Variants in KCNC2 observed in about 807,000 individuals in gnomAD.
KCNC2 encodes potassium voltage-gated channel subfamily C member 2, also known as voltage-gated potassium channel KCNC2.
A neutral mutation model predicts 44.5 loss-of-function variants in KCNC2; 21 were observed. The ratio of observed to expected loss-of-function variants is 0.47; its 90% CI spans 0.33 to 0.68. The LOEUF is 0.68. Among genes scored for constraint, KCNC2 ranks in the 30% least tolerant of loss-of-function variants. The pLI is 0.01. For synonymous variants in KCNC2, 391 were observed against 339.1 expected (o/e 1.15, Z -1.68); for missense variants, 589 against 826.2 (o/e 0.71, Z 3.52).
chr12:75,088,515 C>A (rs988445265), intron 2 of KCNC2, among the ~76,000 whole-genome samples: 3 of 152,176 alleles, frequency 2.0e-5, no homozygotes, highest in Admixed American at 1.3e-4. Flanking sequence ...TATCCAAACA[C>A]AACAGCTAGT....
At chr12:75,114,962 T>C (rs1267049824) in intron 2 of KCNC2, among the ~76,000 whole-genome samples, 2 of 148,800 alleles carry the variant, frequency 1.3e-5, no homozygotes, top group Middle Eastern at 3.6e-3. Flanking sequence ...CCCCCGGGGT[T>C]CACGCCATTC....
chr12:75,135,613 A>G (rs991861904), intron 2 of KCNC2, among the ~76,000 whole-genome samples: 1 of 152,018 alleles, frequency 6.6e-6, no homozygotes, highest in African/African-American at 2.4e-5. Flanking sequence ...CAGAACTTTT[A>G]GTGAAAGCTT....
intron 2 of KCNC2, among the ~76,000 whole-genome samples, chr12:75,189,006 T>G (rs944406680): frequency 6.6e-6 from 1 of 152,160 alleles, no homozygotes; most frequent in African/African-American, 2.4e-5. Context: ...CTGTTGAGAA[T>G]AGTTAAGAGT....
At position 75,207,531 on chromosome 12, in the gene KCNC2, G is replaced by A; in HGVS notation, c.453C>T (p.Cys151=). The change falls in exon 2 of 5, where the codon TGC becomes TGT. Residue 151 remains cysteine (C), a synonymous_variant. Transcript: ENST00000549446. This position sits in a 1 kb window ranked among gnomAD's most constrained non-coding sequence, Gnocchi z 4.1. ...GGTGCTGCCGGTAGGTCATCCAGCA[G>A]CAGGGCTCCACGTCGGTCTCGTCGA... is the stretch of plus-strand genomic sequence containing the variant. ...WGIDETDVEP[C]CWMTYRQHRD... The A allele has an allele frequency of 6.2e-7, 1 of 1,612,304 alleles. No homozygotes were observed. The highest frequency in any genetic ancestry group is 8.5e-7 in the Non-Finnish European group (1 of 1,179,876).
At chr12:75,189,761 T>C (rs2137700180) in intron 2 of KCNC2, among the ~76,000 whole-genome samples, 1 of 152,268 alleles carries the variant, frequency 6.6e-6, no homozygotes, top group Admixed American at 6.5e-5. Context: ...TCTATCTTCA[T>C]TCTACACAGG....
At chr12:75,200,627 C>T (rs1400467449) in intron 2 of KCNC2, among the ~76,000 whole-genome samples, 1 of 151,412 alleles carries the variant, frequency 6.6e-6, no homozygotes, top group African/African-American at 2.4e-5. Flanking sequence ...TACATATACC[C>T]TAAAAATAGA....
In KCNC2 at chr12:75,207,183, C is replaced by T. The variant is rs1295844715; in HGVS notation, c.687+114G>A. 7 of 1,451,070 alleles carry T rather than the reference C, an allele frequency of 4.8e-6. No homozygotes were observed. The highest frequency in any genetic ancestry group is 1.4e-5 in the African/African-American group (1 of 69,180). The allele number at this position is 1,451,070 out of a possible 1,614,324, so 89.9% of individuals were successfully genotyped here. On this transcript the variant is annotated intron_variant, in intron 2 of 4. Coordinates refer to ENST00000549446, the MANE Select transcript of KCNC2 (RefSeq NM_139137.4). This position sits in a 1 kb window ranked among gnomAD's most constrained non-coding sequence, Gnocchi z 4.1. Reference sequence around the variant, plus strand: ...GCCTCTAACTGTATCGCTAGGAAATCCCGGGTCTCTTCTACCCCCCATGCC... The same window carrying T: ...GCCTCTAACTGTATCGCTAGGAAATTCCGGGTCTCTTCTACCCCCCATGCC...
intron 3 of KCNC2, among the ~76,000 whole-genome samples, chr12:75,049,404 G>T (rs1415412495): frequency 6.6e-6 from 1 of 151,964 alleles, no homozygotes; most frequent in Non-Finnish European, 1.5e-5. Flanking sequence ...CTAAGTTATG[G>T]GGAATCAATA....
chr12:75,062,894 T>C (rs1882482712), intron 2 of KCNC2, among the ~76,000 whole-genome samples: 1 of 152,078 alleles, frequency 6.6e-6, no homozygotes, highest in Non-Finnish European at 1.5e-5. Context: ...AAAATGCAGT[T>C]AGTAAATCAT....
At chr12:75,073,884 A>T (rs1049530080) in intron 2 of KCNC2, among the ~76,000 whole-genome samples, 1 of 152,192 alleles carries the variant, frequency 6.6e-6, no homozygotes, top group African/African-American at 2.4e-5. Flanking sequence ...TAACCTAATT[A>T]AAGTTGCTGC....
intron 2 of KCNC2, among the ~76,000 whole-genome samples, chr12:75,135,149 T>C (rs1224105938): frequency 1.3e-5 from 2 of 151,780 alleles, no homozygotes; most frequent in Admixed American, 6.6e-5. Context: ...AGAATCCCTA[T>C]CCACAGTTAC....
chr12:75,084,734 A>G (rs74337986), intron 2 of KCNC2, among the ~76,000 whole-genome samples: 3,630 of 152,014 alleles, frequency 0.024, 140 homozygotes, highest in African/African-American at 0.083. Flanking sequence ...TACTGTTGTG[A>G]AAGACTGAAG....
At chr12:75,127,890 A>G (rs1050547468) in intron 2 of KCNC2, among the ~76,000 whole-genome samples, 2 of 152,130 alleles carry the variant, frequency 1.3e-5, no homozygotes, top group African/African-American at 4.8e-5. Flanking sequence ...TTGTGGAAAA[A>G]TCTTATTACC....
At chr12:75,158,679 G>T (rs896541890) in intron 2 of KCNC2, among the ~76,000 whole-genome samples, 4 of 151,754 alleles carry the variant, frequency 2.6e-5, no homozygotes, top group Admixed American at 2.6e-4. Context: ...ATCCAACAAA[G>T]TTACTTTGAT....
chr12:75,108,239 T>A (rs1014248945), intron 2 of KCNC2, among the ~76,000 whole-genome samples: 1 of 152,200 alleles, frequency 6.6e-6, no homozygotes, highest in African/African-American at 2.4e-5. Context: ...GTTTCAGTAA[T>A]GGATATGCAC....
At chr12:75,077,221 AGAGTTGTAT>A (rs1884070303) in intron 2 of KCNC2, among the ~76,000 whole-genome samples, 1 of 152,208 alleles carries the variant, frequency 6.6e-6, no homozygotes, top group Admixed American at 6.5e-5. Context: ...TGCCAGTGCT[AGAGTTGTAT>A]GAGCATTTTC....
At position 75,207,633 on chromosome 12, in the gene KCNC2, G is replaced by A. The variant is rs759185713; in HGVS notation, c.351C>T (p.Tyr117=). The A allele has an allele frequency of 1.9e-6, 3 of 1,611,834 alleles. No homozygotes were observed. The highest frequency in any genetic ancestry group is 2.5e-6 in the Non-Finnish European group (3 of 1,179,870). Residue 117 remains tyrosine, a synonymous_variant, in exon 2 of 5, where the codon TAC becomes TAT. Transcript: ENST00000549446. This position sits in a 1 kb window ranked among gnomAD's most constrained non-coding sequence, Gnocchi z 4.1. The part of the protein sequence containing the change: ...HPGVFAYVLN[Y]YRTGKLHCPA... Reference sequence around the variant, plus strand: ...GGCAGTGCAGCTTGCCGGTGCGGTAGTAATTGAGCACATAGGCGAAGACGC... The same window carrying A: ...GGCAGTGCAGCTTGCCGGTGCGGTAATAATTGAGCACATAGGCGAAGACGC...
intron 2 of KCNC2, among the ~76,000 whole-genome samples, chr12:75,174,916 G>C (rs567255345): frequency 2.0e-5 from 3 of 152,006 alleles, no homozygotes; most frequent in East Asian, 3.9e-4. Flanking sequence ...AAACAAAAAG[G>C]CTAAGAGAAA....
At chr12:75,198,803 T>A (rs1328280386) in intron 2 of KCNC2, among the ~76,000 whole-genome samples, 2 of 151,816 alleles carry the variant, frequency 1.3e-5, no homozygotes, top group African/African-American at 2.4e-5. Context: ...ACACAAATTT[T>A]ACATAAATTC....
Sources: allele counts gnomAD v4.1 joint callset (sites outside exome capture counted in the v4.1 genomes callset), GRCh38; gene constraint gnomAD v4.1.1; non-coding constraint Gnocchi (gnomAD v3.1); transcripts MANE v1.5; gene names NCBI Gene and HGNC (gene_info 2026-07-23, HGNC 2026-07-21).